ZC3H3: variants seen among roughly 807,000 people sequenced by gnomAD.
The protein encoded by ZC3H3 is zinc finger CCCH-type containing 3.
Under a neutral mutation model 77.3 loss-of-function variants are expected in ZC3H3, and 36 were observed. The ratio of observed to expected loss-of-function variants is 0.47; its 90% confidence interval spans 0.36 to 0.61. ZC3H3 has a LOEUF of 0.61. ZC3H3 is among the 20% of genes least tolerant of loss of function. The pLI, the probability that ZC3H3 is intolerant of heterozygous loss-of-function variation, is 0.00. For synonymous variants in ZC3H3, 626 were observed against 555.2 expected, an observed-to-expected ratio of 1.13 and a Z score of -1.79; for missense variants, 1,331 against 1,312.2, an observed-to-expected ratio of 1.01 and a Z score of -0.22.
At chr8:143,524,686 G>A (rs1822354869) in intron 3 of ZC3H3, among the ~76,000 whole-genome samples, 1 of 152,260 alleles carries the variant, frequency 6.6e-6, no homozygotes, top group Non-Finnish European at 1.5e-5. Flanking sequence ...CAGCACCTTC[G>A]AGGCAAAGGG....
rs146565121 is a variant in ZC3H3, at chr8:143,499,620, C to T, written c.1715+8126G>A. Among the ~76,000 whole-genome samples, 41 of 152,000 alleles carry T rather than the reference C, an allele frequency of 2.7e-4. 1 individual carries two copies. Among genetic ancestry groups the T allele is most frequent in the African/African-American group, 9.0e-4 (37 of 41,270 alleles). Reference sequence around the variant, plus strand: ...TCAGCATTTTCACAGCATTCAGGGCCGCCCTTGAATGCCCTCTCCAGCATT... The same window carrying T: ...TCAGCATTTTCACAGCATTCAGGGCTGCCCTTGAATGCCCTCTCCAGCATT... On this transcript the variant is annotated intron_variant, in intron 4 of 11. Coordinates refer to ENST00000262577, the MANE Select transcript of ZC3H3 (RefSeq NM_015117.3).
chr8:143,479,367 G>A (rs1234220136), intron 4 of ZC3H3, among the ~76,000 whole-genome samples: 1 of 152,170 alleles, frequency 6.6e-6, no homozygotes, highest in Non-Finnish European at 1.5e-5. Context: ...CATTGAGAAG[G>A]GGGATGAAAT....
Position 143,522,512 on chromosome 8 carries a change from A to C in ZC3H3, c.1561+13745T>G, listed in dbSNP as rs192047695. Among the ~76,000 whole-genome samples the C allele has an allele frequency of 9.5e-3, 1,446 of 152,288 alleles. 12 individuals are homozygous for C. Among genetic ancestry groups the C allele is most frequent in the Non-Finnish European group, 0.013 (888 of 68,018 alleles). ...CAGCTACTGGGGAGGCTGAGGTGGG[A>C]GAATCTCTTGAACCCAGGAGGTCGA... On this transcript the variant is annotated intron_variant, in intron 3 of 11. Coordinates refer to ENST00000262577, the MANE Select transcript of ZC3H3 (RefSeq NM_015117.3).
At chr8:143,461,677 G>C (rs1251086497) in intron 9 of ZC3H3, among the ~76,000 whole-genome samples, 2 of 152,170 alleles carry the variant, frequency 1.3e-5, no homozygotes, top group Admixed American at 1.3e-4. Flanking sequence ...GCAGCGCTGA[G>C]GTGCTGCAGG....
chr8:143,438,584 G>A (rs977507249), intron 11 of ZC3H3, among the ~76,000 whole-genome samples: 7 of 152,132 alleles, frequency 4.6e-5, no homozygotes, highest in Non-Finnish European at 8.8e-5. Flanking sequence ...AGGGTGAGGC[G>A]GGCAGGGCCT....
intron 11 of ZC3H3, 130 bp from the exon 12 acceptor site, chr8:143,438,217 G>A (rs1339425629): frequency 3.3e-6 from 4 of 1,201,394 alleles, no homozygotes; most frequent in East Asian, 2.6e-5. Flanking sequence ...GGTCTGCAGA[G>A]ATACCCTCCT....
At chr8:143,500,610 A>G (rs943732300) in intron 4 of ZC3H3, among the ~76,000 whole-genome samples, 1 of 152,244 alleles carries the variant, frequency 6.6e-6, no homozygotes, top group Non-Finnish European at 1.5e-5. Flanking sequence ...GAGAGATCCA[A>G]GAGCATGGTG....
intron 4 of ZC3H3, among the ~76,000 whole-genome samples, chr8:143,484,322 A>T (rs116073944): frequency 5.3e-5 from 8 of 152,304 alleles, no homozygotes; most frequent in Middle Eastern, 3.4e-3. Flanking sequence ...GCTGGGTGGC[A>T]GGGGGCAATA....
rs137984382 is a variant in ZC3H3, at chr8:143,539,496, G to A, written c.47-176C>T. Among the ~76,000 whole-genome samples the A allele has an allele frequency of 7.9e-5, 12 of 152,264 alleles. No individual in the cohort carries two copies. The East Asian group carries it at 1.3e-3, about 17-fold the overall frequency. On this transcript the variant is annotated intron_variant, in intron 1 of 11. Transcript: ENST00000262577. ...GGGACTCACTGACAACTCAGCCCGC[G>A]TCACCTGGGCCTGTCGCTTCTATGA...
chr8:143,456,613 T>C (rs903708999), intron 9 of ZC3H3, among the ~76,000 whole-genome samples: 2 of 152,224 alleles, frequency 1.3e-5, no homozygotes. Context: ...GCCACACTTA[T>C]AATCCCGGCA....
intron 3 of ZC3H3, among the ~76,000 whole-genome samples, chr8:143,521,594 G>A (rs1822244480): frequency 6.6e-6 from 1 of 152,320 alleles, no homozygotes; most frequent in Non-Finnish European, 1.5e-5. Flanking sequence ...ACCGGGGCAG[G>A]CAGGAGGTGG....
Position 143,490,577 on chromosome 8 carries a change from G to C in ZC3H3, c.1716-14992C>G, listed in dbSNP as rs537310686. 2.0e-5 allele frequency among the ~76,000 whole-genome samples: 3 copies of C among 152,364 alleles called. No homozygotes were observed. The South Asian group carries it at 6.2e-4, about 32-fold the overall frequency. ...AGCCTTGAGAGGTTAATCATGTTTT[G>C]GGGTGAGATCTGGCTGGAGGATTGA... On this transcript the variant is annotated intron_variant, in intron 4 of 11. Transcript: ENST00000262577.
chr8:143,482,122 G>A (rs1820923413), intron 4 of ZC3H3, among the ~76,000 whole-genome samples: 1 of 152,234 alleles, frequency 6.6e-6, no homozygotes, highest in Admixed American at 6.5e-5. Flanking sequence ...GGTCCTGCTG[G>A]CCACAGCCCC....
At chr8:143,498,772 CACAGG>C (rs1821430003) in intron 4 of ZC3H3, among the ~76,000 whole-genome samples, 1 of 96,250 alleles carries the variant, frequency 1.0e-5, no homozygotes, top group Non-Finnish European at 2.1e-5. Flanking sequence ...GGCGGAGGGG[CACAGG>C]GCAGGGCAGG....
At chr8:143,506,118 T>G (rs960102699) in intron 4 of ZC3H3, among the ~76,000 whole-genome samples, 3 of 152,178 alleles carry the variant, frequency 2.0e-5, no homozygotes, top group Middle Eastern at 3.2e-3. Flanking sequence ...AACAACACCA[T>G]CAGGGCCCTC....
chr8:143,497,181 G>A (rs1242883128), intron 4 of ZC3H3, among the ~76,000 whole-genome samples: 3 of 152,174 alleles, frequency 2.0e-5, no homozygotes, highest in African/African-American at 7.2e-5. Flanking sequence ...AAAATTAAAC[G>A]CAAGAAGCTA....
Position 143,499,485 on chromosome 8 carries a change from C to A in ZC3H3, c.1715+8261G>T, listed in dbSNP as rs534253357. On this transcript the variant is annotated intron_variant, in intron 4 of 11. Transcript: ENST00000262577. Reference sequence around the variant, plus strand: ...GCGCCCAGCCGGTGTTCAGTGCAAACACAGTGGGTGCATCTCTCCTCCCAC... The same window carrying A: ...GCGCCCAGCCGGTGTTCAGTGCAAAAACAGTGGGTGCATCTCTCCTCCCAC... 2.0e-5 allele frequency among the ~76,000 whole-genome samples: 3 copies of A among 152,304 alleles called. No individual in the cohort carries two copies. The East Asian group carries it at 5.8e-4, about 29-fold the overall frequency.
chr8:143,519,157 C>T (rs1026034581), intron 3 of ZC3H3, among the ~76,000 whole-genome samples: 2 of 152,192 alleles, frequency 1.3e-5, no homozygotes, highest in Non-Finnish European at 2.9e-5. Flanking sequence ...GTGCTGACGG[C>T]TGACTGGGGG....
At chr8:143,471,435 C>T (rs1820560342) in intron 5 of ZC3H3, among the ~76,000 whole-genome samples, 1 of 152,242 alleles carries the variant, frequency 6.6e-6, no homozygotes, top group African/African-American at 2.4e-5. Flanking sequence ...AGCAGCTGGC[C>T]CACAGCAGGG....
Sources: allele counts gnomAD v4.1 joint callset (sites outside exome capture counted in the v4.1 genomes callset), GRCh38; gene constraint gnomAD v4.1.1; transcripts MANE v1.5; gene names NCBI Gene and HGNC (gene_info 2026-07-23, HGNC 2026-07-21).